Variants in NXF3 observed in about 807,000 individuals in gnomAD.
NXF3 encodes TAP-like protein 3.
NXF3 carries 34 observed loss-of-function variants against 48.4 expected under a neutral mutation model. That is an observed-to-expected ratio of 0.70 (90% CI 0.53 to 0.93). The LOEUF is 0.93. Among genes scored for constraint, NXF3 ranks in the 40% least tolerant of loss-of-function variants. The pLI is 0.00. For missense variants in NXF3, 359 were observed against 406.1 expected, an observed-to-expected ratio of 0.88 and a Z score of 1.00; for synonymous variants, 132 against 145.7, an observed-to-expected ratio of 0.91 and a Z score of 0.68.
At chrX:103,080,525 G>A in intron 10 of NXF3, 51 bp downstream of exon 10, 1 of 1,117,555 alleles carries the variant, frequency 8.9e-7, no homozygotes, top group Non-Finnish European at 1.2e-6. Flanking sequence ...GGGCAGTTGG[G>A]GGCAGCATCA....
intron 8 of NXF3, 47 bp downstream of exon 8, chrX:103,082,713 T>A (rs766790671): frequency 9.6e-7 from 1 of 1,046,366 alleles, no homozygotes; most frequent in Non-Finnish European, 1.3e-6. Context: ...TCCTAGCTAA[T>A]CTCTTCCACC....
At chrX:103,085,445 C>T (rs1294771911) in intron 1 of NXF3, among the ~76,000 whole-genome samples, 2 of 111,426 alleles carry the variant, frequency 1.8e-5, no homozygotes, top group African/African-American at 6.5e-5. Flanking sequence ...TAAAATCTAC[C>T]CTAAAAGTTT....
At chrX:103,083,358 C>T in intron 5 of NXF3, 40 bp downstream of exon 5, 1 of 1,178,253 alleles carries the variant, frequency 8.5e-7, no homozygotes, top group Non-Finnish European at 1.2e-6. Context: ...GCCCTGCCCT[C>T]TTGCTCGATG....
intron 1 of NXF3, among the ~76,000 whole-genome samples, chrX:103,090,738 G>A (rs1922253484): frequency 9.0e-6 from 1 of 111,675 alleles, no homozygotes; most frequent in South Asian, 3.7e-4. Flanking sequence ...TTTACCACAG[G>A]TGATTTTTAA....
At chrX:103,082,478 T>C (rs1229251979) in intron 8 of NXF3, 114 bp from the exon 9 acceptor site, 21 of 511,837 alleles carry the variant, frequency 4.1e-5, no homozygotes, top group Non-Finnish European at 6.8e-5. Context: ...GTCACTACCC[T>C]AATGAACCCT....
intron 1 of NXF3, among the ~76,000 whole-genome samples, chrX:103,089,901 GT>G (rs1195854623): frequency 1.3e-4 from 14 of 104,857 alleles, no homozygotes; most frequent in Admixed American, 4.1e-4. Context: ...GGTGATTAAG[GT>G]TTTTTTTTTC....
intron 18 of NXF3, among the ~76,000 whole-genome samples, chrX:103,076,588 T>C (rs973705695): frequency 1.8e-5 from 2 of 111,504 alleles, no homozygotes; most frequent in African/African-American, 6.5e-5. Context: ...GGTTCCTAAA[T>C]AAGATGGCTA....
At chrX:103,090,385 A>T (rs1922245817) in intron 1 of NXF3, among the ~76,000 whole-genome samples, 1 of 111,953 alleles carries the variant, frequency 8.9e-6, no homozygotes, top group Non-Finnish European at 1.9e-5. Flanking sequence ...ATGCTTGTAG[A>T]GTTGTGGGTA....
chrX:103,082,830 G>A lies in NXF3; in HGVS notation c.710C>T (p.Thr237Ile), dbSNP rs1271369849. ...PFYPDMVNRD[T>I]KMASNPRKCM... Reference sequence around the variant, plus strand: ...CTTTCTAGGATTCGATGCCATCTTAGTATCACGGTTCACCATGTCTCCAGA... The same window carrying A: ...CTTTCTAGGATTCGATGCCATCTTAATATCACGGTTCACCATGTCTCCAGA... Residue 237 changes from threonine (T) to isoleucine (I), a missense_variant, in exon 8 of 20, where the codon ACT (threonine) becomes ATT (isoleucine). Thr to Ile is a moderately conservative substitution (Grantham distance 89). Transcript: ENST00000395065. 5 of 1,207,850 alleles carry A rather than the reference G, an allele frequency of 4.1e-6. No individual in the cohort carries two copies. Among genetic ancestry groups the A allele is most frequent in the Non-Finnish European group, 5.6e-6 (5 of 893,462 alleles).
chrX:103,080,618 G>A lies in NXF3; in HGVS notation c.891-6C>T, dbSNP rs181467360. Reference sequence around the variant, plus strand: ...GGAACAATTCCAGGATGGAGCTGCCGAAAATCAAAACAAAATGGACAACGG... The same window carrying A: ...GGAACAATTCCAGGATGGAGCTGCCAAAAATCAAAACAAAATGGACAACGG... On this transcript the variant is annotated splice_region_variant and splice_polypyrimidine_tract_variant and intron_variant, in intron 9 of 19. Transcript: ENST00000395065. 95 of 1,208,255 alleles carry A rather than the reference G, an allele frequency of 7.9e-5. No individual in the cohort carries two copies. The African/African-American group carries it at 1.2e-3, about 15-fold the overall frequency.
Position 103,079,583 on chromosome X carries a change from C to T in NXF3, c.1219+1G>A. ...CCCAGACTTCTCCATCACACACTTACAGGGGTCCTTGAGAATTTTTATATT... is the reference window on the plus strand; with the variant it reads ...CCCAGACTTCTCCATCACACACTTATAGGGGTCCTTGAGAATTTTTATATT... On this transcript the variant is annotated splice_donor_variant, in intron 14 of 19. Coordinates refer to ENST00000395065, the MANE Select transcript of NXF3 (RefSeq NM_022052.2). LOFTEE classifies it high-confidence loss of function. 6 of 1,209,753 alleles carry T rather than the reference C, an allele frequency of 5.0e-6. No homozygotes were observed. Among genetic ancestry groups the T allele is most frequent in the Non-Finnish European group, 5.6e-6 (5 of 893,593 alleles).
chrX:103,088,177 A>G, intron 1 of NXF3: 1 of 1,015,189 alleles, frequency 9.9e-7, no homozygotes, highest in Non-Finnish European at 1.4e-6. Flanking sequence ...AAAAGAAGCT[A>G]CAACTATAAA....
intron 1 of NXF3, among the ~76,000 whole-genome samples, chrX:103,091,408 C>T (rs1922269545): frequency 8.9e-6 from 1 of 111,879 alleles, no homozygotes; most frequent in African/African-American, 3.2e-5. Flanking sequence ...AAAAATAATA[C>T]AAATAAAAAA....
intron 1 of NXF3, among the ~76,000 whole-genome samples, chrX:103,091,752 G>A (rs775443092): frequency 1.2e-4 from 13 of 110,648 alleles, no homozygotes; most frequent in South Asian, 7.9e-4. Flanking sequence ...TTGGGAGGCC[G>A]AGACAGGTGG....
Position 103,093,002 on chromosome X carries a change from T to C in NXF3, c.22A>G (p.Thr8Ala). MSLPSGH[T>A]TGHTDQVVQR... Reference sequence around the variant, plus strand: ...CTCATGCTGGCCAACTCACCCGTAGTGTGTCCTGAAGGCAGTGACATTTTA... The same window carrying C: ...CTCATGCTGGCCAACTCACCCGTAGCGTGTCCTGAAGGCAGTGACATTTTA... Residue 8 changes from threonine (T) to alanine (A), a missense_variant, in exon 1 of 20, where the codon ACT becomes GCT. Transcript: ENST00000395065. 3.3e-6 allele frequency: 4 copies of C among 1,209,960 alleles called. No homozygotes were observed. The highest frequency in any genetic ancestry group is 1.8e-5 in the South Asian group (1 of 56,691).
rs1228730570 is a variant in NXF3 at position 103,078,977 on chromosome X, G to A, written c.1378+244C>T. Among the ~76,000 whole-genome samples, 8 of 112,555 alleles carry A rather than the reference G, an allele frequency of 7.1e-5. 1 individual carries two copies. Among genetic ancestry groups the A allele is most frequent in the Admixed American group, 1.9e-4 (2 of 10,646 alleles). Reference sequence around the variant, plus strand: ...AGCACAAGTTCAGAGTAAAGACCTGGGATGAGAGCTGTCAGACTCCACAGT... The same window carrying A: ...AGCACAAGTTCAGAGTAAAGACCTGAGATGAGAGCTGTCAGACTCCACAGT... On this transcript the variant is annotated intron_variant, in intron 16 of 19. Transcript: ENST00000395065.
rs1312052286 is a variant in NXF3 at position 103,088,746 on chromosome X, T to C, written c.29-3863A>G. On this transcript the variant is annotated intron_variant, in intron 1 of 19. Coordinates refer to ENST00000395065, the MANE Select transcript of NXF3 (RefSeq NM_022052.2). The stretch of plus-strand genomic sequence containing the variant: ...TATTTGTAGGAAATCTTTTAGACAG[T>C]CAGCTCACTTAAAAAGACATGAACA... 6 of 1,081,746 alleles carry C rather than the reference T, an allele frequency of 5.5e-6. No homozygotes were observed. The Admixed American group carries it at 1.3e-4, about 24-fold the overall frequency. The allele number at this position is 1,081,746 out of a possible 1,213,427, so 89.1% of individuals were successfully genotyped here.
Position 103,082,853 on chromosome X carries a change from A to G in NXF3, c.692-5T>C, listed in dbSNP as rs1213043709. 1 of 1,200,624 alleles carries G rather than the reference A, an allele frequency of 8.3e-7. No homozygotes were observed. ...TAGTATCACGGTTCACCATGTCTCCAGAAAGCAGAGAGGAGAAAATCAGAA... is the reference window on the plus strand; with the variant it reads ...TAGTATCACGGTTCACCATGTCTCCGGAAAGCAGAGAGGAGAAAATCAGAA... On this transcript the variant is annotated splice_region_variant and splice_polypyrimidine_tract_variant and intron_variant, in intron 7 of 19. Transcript: ENST00000395065.
chrX:103,077,475 A>G (rs1412938628), intron 18 of NXF3, 139 bp downstream of exon 18: 1 of 632,366 alleles, frequency 1.6e-6, no homozygotes, highest in Non-Finnish European at 2.4e-6. Context: ...GATGGTCTCA[A>G]TCTCCTGACC....
Sources: allele counts gnomAD v4.1 joint callset (sites outside exome capture counted in the v4.1 genomes callset), GRCh38; gene constraint gnomAD v4.1.1; transcripts MANE v1.5; gene names NCBI Gene and HGNC (gene_info 2026-07-23, HGNC 2026-07-21).